Variants in FNDC1 observed in about 807,000 individuals in gnomAD.
The protein encoded by FNDC1 is fibronectin type III domain-containing protein 1.
A neutral mutation model predicts 168.0 loss-of-function variants in FNDC1; 96 were observed. That is an observed-to-expected ratio of 0.57 (90% CI 0.48 to 0.68). The LOEUF is 0.68. Among genes scored for constraint, FNDC1 ranks in the 30% least tolerant of loss-of-function variants. The pLI, the probability that FNDC1 is intolerant of heterozygous loss-of-function variation, is 0.00. For missense variants in FNDC1, 2,587 were observed against 2,482.1 expected, an observed-to-expected ratio of 1.04 and a Z score of -0.90; for synonymous variants, 1,099 against 1,025.9, an observed-to-expected ratio of 1.07 and a Z score of -1.36.
At chr6:159,224,298 TC>T (rs1370981890) in intron 7 of FNDC1, among the ~76,000 whole-genome samples, 1 of 152,232 alleles carries the variant, frequency 6.6e-6, no homozygotes, top group Non-Finnish European at 1.5e-5. Flanking sequence ...CTAGTGAACA[TC>T]ATTTCTAGTT....
intron 2 of FNDC1, among the ~76,000 whole-genome samples, chr6:159,198,881 G>A (rs2114947259): frequency 6.6e-6 from 1 of 152,336 alleles, no homozygotes; most frequent in Non-Finnish European, 1.5e-5. Flanking sequence ...TTCCCCATTA[G>A]CCTGGCAGGT....
intron 6 of FNDC1, 85 bp from the exon 7 acceptor site, chr6:159,223,443 A>G: frequency 1.4e-6 from 1 of 699,650 alleles, no homozygotes; most frequent in Non-Finnish European, 2.4e-6. Flanking sequence ...ATGCAGGGTG[A>G]ATAATAGCCT....
At chr6:159,255,638 A>G (rs1464911420) in intron 17 of FNDC1, among the ~76,000 whole-genome samples, 1 of 152,226 alleles carries the variant, frequency 6.6e-6, no homozygotes, top group Non-Finnish European at 1.5e-5. Flanking sequence ...TATTTAACCT[A>G]TTGCTAATAC....
chr6:159,200,302 T>C (rs294922), intron 3 of FNDC1, among the ~76,000 whole-genome samples: 72,556 of 152,216 alleles, frequency 0.48, 19,509 homozygotes, highest in African/African-American at 0.73. Context: ...TTCATCCAGA[T>C]GTTTTGAATA....
intron 4 of FNDC1, among the ~76,000 whole-genome samples, chr6:159,208,844 A>ATTTTTTTTTT (rs369408600): frequency 1.6e-5 from 2 of 128,102 alleles, no homozygotes; most frequent in African/African-American, 6.1e-5. Context: ...GTTATTTTTA[A>ATTTTTTTTTT]TTTTTTTTTT....
chr6:159,250,570 G>C (rs1050667871), intron 16 of FNDC1, among the ~76,000 whole-genome samples: 2 of 152,168 alleles, frequency 1.3e-5, no homozygotes, highest in Non-Finnish European at 2.9e-5. Context: ...AGGGCTGGGG[G>C]TGACAGCCTG....
At chr6:159,261,492 A>G (rs1183900329) in intron 19 of FNDC1, among the ~76,000 whole-genome samples, 1 of 152,246 alleles carries the variant, frequency 6.6e-6, no homozygotes, top group Non-Finnish European at 1.5e-5. Context: ...AGAAAGGTCA[A>G]ATTCCAATGA....
chr6:159,257,844 TA>T (rs1282663263), intron 18 of FNDC1, among the ~76,000 whole-genome samples: 7 of 151,946 alleles, frequency 4.6e-5, no homozygotes, highest in African/African-American at 1.7e-4. Flanking sequence ...AATGGCAAGT[TA>T]TTTTTTTAAT....
intron 1 of FNDC1, among the ~76,000 whole-genome samples, chr6:159,172,187 C>T (rs1282647854): frequency 6.6e-6 from 1 of 152,206 alleles, no homozygotes; most frequent in Non-Finnish European, 1.5e-5. Flanking sequence ...ACATAAGTTA[C>T]TACTGCTGAT....
intron 4 of FNDC1, among the ~76,000 whole-genome samples, chr6:159,211,025 C>T (rs996354387): frequency 2.0e-5 from 3 of 152,168 alleles, no homozygotes; most frequent in African/African-American, 7.2e-5. Context: ...AGCACCATGG[C>T]TCCGGCCTAA....
At chr6:159,204,313 C>T (rs2114954341) in intron 4 of FNDC1, among the ~76,000 whole-genome samples, 1 of 152,284 alleles carries the variant, frequency 6.6e-6, no homozygotes, top group South Asian at 2.1e-4. Context: ...GACAATGACC[C>T]ATTTGATATT....
chr6:159,249,169 G>A lies in FNDC1; in HGVS notation c.4821G>A (p.Arg1607=). 6.2e-7 allele frequency: 1 copy of A among 1,609,608 alleles called. No homozygotes were observed. The highest frequency in any genetic ancestry group is 8.5e-7 in the Non-Finnish European group (1 of 1,178,368). ...AAGAAGAATTTGATCTGGCTGGAAG[G>A]AAACGATTTGTTGGTAAATATAATG... ...FPEEEFDLAG[R]KRFVAPYVTY... Residue 1607 remains arginine, a synonymous_variant, in exon 16 of 23, where the codon AGG becomes AGA. Coordinates refer to ENST00000297267, the MANE Select transcript of FNDC1 (RefSeq NM_032532.3).
At chr6:159,228,580 G>A (rs944492057) in intron 9 of FNDC1, among the ~76,000 whole-genome samples, 2 of 151,684 alleles carry the variant, frequency 1.3e-5, no homozygotes, top group Non-Finnish European at 2.9e-5. Context: ...TTTAAAGATT[G>A]GAGCTAAGGG....
At chr6:159,243,434 T>C (rs1298466640) in intron 14 of FNDC1, 3 of 152,250 alleles carry the variant, frequency 2.0e-5, no homozygotes, top group South Asian at 2.1e-4. Context: ...TGGCTGTCAT[T>C]TACCTTCTGT....
At position 159,227,566 on chromosome 6, in the gene FNDC1, C is replaced by T. The variant is rs187694244; in HGVS notation, c.1180+986C>T. Among the ~76,000 whole-genome samples, 9 of 149,320 alleles carry T rather than the reference C, an allele frequency of 6.0e-5. No homozygotes were observed. In the East Asian group the frequency reaches 1.6e-3, roughly 26 times the overall value. On this transcript the variant is annotated intron_variant, in intron 9 of 22. Coordinates refer to ENST00000297267, the MANE Select transcript of FNDC1 (RefSeq NM_032532.3). ...TGGAATAATAGAAGTTAAGGAAGGT[C>T]GATGTGGAACTGTATTTTCTATACT...
In FNDC1 at chr6:159,269,244, TCTATC is replaced by T. The variant is rs1163215300; in HGVS notation, c.5569+1320_5569+1324del. On this transcript the variant is annotated intron_variant, in intron 22 of 22. Coordinates refer to ENST00000297267, the MANE Select transcript of FNDC1 (RefSeq NM_032532.3). The stretch of plus-strand genomic sequence containing the variant: ...ATCTATCTATCTATCTATCTATCTA[TCTATC>T]CATCTATCATCTATCTATCTATCTA... Among the ~76,000 whole-genome samples, 488 of 128,536 alleles carry T rather than the reference TCTATC, an allele frequency of 3.8e-3. 9 individuals carry two copies. Among genetic ancestry groups the T allele is most frequent in the African/African-American group, 0.014 (402 of 28,748 alleles). The allele number at this position is 128,536 out of a possible 152,430, so 84.3% of individuals were successfully genotyped here. A position where few individuals can be genotyped will look rare whatever the true frequency, so the allele number is the denominator to read the frequency against.
chr6:159,267,996 C>T (rs547202779), intron 22 of FNDC1, 70 bp downstream of exon 22: 3 of 1,510,776 alleles, frequency 2.0e-6, no homozygotes, highest in African/African-American at 1.4e-5. Context: ...GGGGGAAAAT[C>T]CACAGTAGGT....
intron 14 of FNDC1, among the ~76,000 whole-genome samples, chr6:159,246,581 C>T (rs979778368): frequency 6.6e-6 from 1 of 152,114 alleles, no homozygotes; most frequent in Non-Finnish European, 1.5e-5. Flanking sequence ...GGCATGCGGG[C>T]GAGTGGGCTG....
Position 159,234,165 on chromosome 6 carries a change from G to C in FNDC1, c.3653G>C (p.Ser1218Thr). ...TPRGGKDADG[S>T]LAKEEREPAI... is the part of the protein sequence containing the mutation. ...AGGGGCGGCAAAGACGCCGATGGGA[G>C]CCTCGCCAAGGAAGAGAGGGAGCCT... is the stretch of plus-strand genomic sequence containing the variant. Residue 1218 changes from serine (S) to threonine (T), a missense_variant, in exon 11 of 23, where the codon AGC becomes ACC. Physicochemically the swap from Ser to Thr is moderately conservative, Grantham distance 58. Transcript: ENST00000297267. 3.8e-6 allele frequency: 6 copies of C among 1,598,622 alleles called. No homozygotes were observed. The highest frequency in any genetic ancestry group is 4.3e-6 in the Non-Finnish European group (5 of 1,173,196).
Sources: gnomAD v4.1 joint callset for allele counts (sites outside exome capture counted in the v4.1 genomes callset) on GRCh38, gnomAD v4.1.1 for gene constraint, MANE v1.5 for transcripts, NCBI Gene and HGNC (gene_info 2026-07-23, HGNC 2026-07-21) for gene names.